The following DMD variants were observed in gnomAD, a reference collection of about 807,000 sequenced individuals.
The protein encoded by DMD is dystrophin, also known as mutant dystrophin.
Under a neutral mutation model 330.1 loss-of-function variants are expected in DMD, and 63 were observed. The ratio of observed to expected loss-of-function variants is 0.19; its 90% CI spans 0.16 to 0.24. The LOEUF is 0.24. Ranked by LOEUF, DMD falls within the 10% of genes least tolerant of loss-of-function variation. DMD has a pLI of 1.00. For synonymous variants in DMD, 1,223 were observed against 959.8 expected (o/e 1.27, Z -5.07); for missense variants, 3,344 against 2,684.1 (o/e 1.25, Z -5.43).
intron 63 of DMD, among the ~76,000 whole-genome samples, chrX:31,229,412 A>G (rs1249265418): frequency 3.6e-5 from 4 of 111,695 alleles, no homozygotes; most frequent in Admixed American, 2.9e-4. Flanking sequence ...GCTTATGGAG[A>G]CTTTTTGGAA....
At chrX:32,849,319 C>T (rs2080942101) in intron 3 of DMD, among the ~76,000 whole-genome samples, 1 of 111,574 alleles carries the variant, frequency 9.0e-6, no homozygotes, top group Non-Finnish European at 1.9e-5. Context: ...ATCACATATG[C>T]TATCACGTAT....
intron 7 of DMD, among the ~76,000 whole-genome samples, chrX:32,717,612 C>A (rs778448504): frequency 1.3e-4 from 15 of 111,710 alleles, no homozygotes; most frequent in South Asian, 1.1e-3. Flanking sequence ...CACAGAGTCC[C>A]CACTGGGGCA....
chrX:32,652,142 C>A (rs868077854), intron 9 of DMD, among the ~76,000 whole-genome samples: 1 of 109,805 alleles, frequency 9.1e-6, no homozygotes, highest in Non-Finnish European at 1.9e-5. Context: ...AAACATTAAT[C>A]TTTTTTTTTA....
intron 55 of DMD, among the ~76,000 whole-genome samples, chrX:31,625,404 G>A (rs1027781719): frequency 1.8e-5 from 2 of 111,474 alleles, no homozygotes; most frequent in Admixed American, 9.6e-5. Flanking sequence ...TTTCTACCTC[G>A]GGTACACTGA....
chrX:31,396,548 G>GTTT (rs56745544), intron 60 of DMD, among the ~76,000 whole-genome samples: 11 of 66,042 alleles, frequency 1.7e-4, no homozygotes, highest in Non-Finnish European at 2.4e-4. Flanking sequence ...AAATCCCAGG[G>GTTT]TTTTTTTTTT....
chrX:31,869,267 C>A (rs1814801972), intron 48 of DMD, among the ~76,000 whole-genome samples: 1 of 110,907 alleles, frequency 9.0e-6, no homozygotes, highest in Non-Finnish European at 1.9e-5. Flanking sequence ...ATTTTATAAA[C>A]AAGGAAAGTC....
chrX:31,382,908 A>C (rs1363041129), intron 60 of DMD, among the ~76,000 whole-genome samples: 1 of 111,930 alleles, frequency 8.9e-6, no homozygotes, highest in African/African-American at 3.2e-5. Flanking sequence ...TTAATATAAG[A>C]AGACAGGAAT....
intron 30 of DMD, among the ~76,000 whole-genome samples, chrX:32,398,368 G>A (rs1237913549): frequency 2.8e-5 from 3 of 108,166 alleles, no homozygotes; most frequent in African/African-American, 1.0e-4. Flanking sequence ...TAGGCCAAAG[G>A]AAACAGTCTA....
At chrX:31,167,495 C>T (rs902556844) in intron 74 of DMD, among the ~76,000 whole-genome samples, 10 of 111,607 alleles carry the variant, frequency 9.0e-5, no homozygotes, top group African/African-American at 2.6e-4. Flanking sequence ...ATATATTACA[C>T]GATCATATAC....
chrX:32,985,829 A>G (rs193103516), intron 2 of DMD, among the ~76,000 whole-genome samples: 1 of 111,289 alleles, frequency 9.0e-6, no homozygotes, highest in African/African-American at 3.3e-5. Context: ...TGAAACCTAT[A>G]AAGGTAAAAC....
chrX:32,719,798 G>A (rs1340987832), intron 7 of DMD, among the ~76,000 whole-genome samples: 1 of 109,812 alleles, frequency 9.1e-6, no homozygotes, highest in African/African-American at 3.3e-5. Flanking sequence ...AATGCTTGGT[G>A]TGCAGTTATT....
intron 45 of DMD, among the ~76,000 whole-genome samples, chrX:31,946,795 GT>G (rs757728186): frequency 6.2e-4 from 64 of 102,464 alleles, no homozygotes; most frequent in Non-Finnish European, 5.4e-4. Context: ...ACTGAAGGGA[GT>G]TTTTTTTTTT....
At position 32,088,640 on chromosome X, in the gene DMD, G is replaced by T. The variant is rs896751988; in HGVS notation, c.6439-120126C>A. Among the ~76,000 whole-genome samples, 7 of 108,650 alleles carry T rather than the reference G, an allele frequency of 6.4e-5. No individual in the cohort carries two copies. The East Asian group carries it at 2.0e-3, about 32-fold the overall frequency. 94.3% of individuals were successfully genotyped at this position (108,650 alleles called of 115,157 possible). A position where few individuals can be genotyped will look rare whatever the true frequency, so the allele number is the denominator to read the frequency against. On this transcript the variant is annotated intron_variant, in intron 44 of 78. Coordinates refer to ENST00000357033, the MANE Select transcript of DMD (RefSeq NM_004006.3). ...TTGGTGTTGAGGCAGAGGGGCTTTG[G>T]AGACTAAAGCAAATATTTAAATGAA...
At chrX:32,152,319 T>A (rs2096807865) in intron 44 of DMD, among the ~76,000 whole-genome samples, 1 of 111,530 alleles carries the variant, frequency 9.0e-6, no homozygotes, top group South Asian at 3.7e-4. Flanking sequence ...GCAAATGCTG[T>A]AACTATTATT....
intron 55 of DMD, among the ~76,000 whole-genome samples, chrX:31,548,304 T>G (rs776209256): frequency 1.8e-5 from 2 of 111,549 alleles, no homozygotes; most frequent in African/African-American, 6.5e-5. Flanking sequence ...TGTGGTGGGA[T>G]CCAGACAACT....
chrX:32,732,870 C>T (rs1201231456), intron 7 of DMD, among the ~76,000 whole-genome samples: 2 of 110,370 alleles, frequency 1.8e-5, no homozygotes, highest in African/African-American at 6.6e-5. Flanking sequence ...AGCAAAATCA[C>T]CAGCTAACAT....
At chrX:31,414,121 C>G (rs775843096) in intron 60 of DMD, among the ~76,000 whole-genome samples, 69 of 111,502 alleles carry the variant, frequency 6.2e-4, no homozygotes, top group Admixed American at 3.0e-3. Flanking sequence ...TCCAGCAATT[C>G]TCCTGCCTCA....
rs937113961 is a variant in DMD at position 32,554,512 on chromosome X, C to A, written c.1993-9178G>T. Among the ~76,000 whole-genome samples, 84 of 110,093 alleles carry A rather than the reference C, an allele frequency of 7.6e-4. 1 individual carries two copies. Among genetic ancestry groups the A allele is most frequent in the African/African-American group, 2.5e-3 (76 of 30,359 alleles). On this transcript the variant is annotated intron_variant, in intron 16 of 78. Transcript: ENST00000357033. ...ACCTCTATGCACATAAACTAGAAAA[C>A]CTAGAGGAAATGGATAAATTATTGA...
intron 11 of DMD, among the ~76,000 whole-genome samples, chrX:32,637,361 GAT>G (rs2059170051): frequency 8.9e-6 from 1 of 111,833 alleles, no homozygotes. Context: ...ACATAGTTTT[GAT>G]ATTTCTGATT....
Sources: allele counts gnomAD v4.1 joint callset (sites outside exome capture counted in the v4.1 genomes callset), GRCh38; gene constraint gnomAD v4.1.1; transcripts MANE v1.5; gene names NCBI Gene and HGNC (gene_info 2026-07-23, HGNC 2026-07-21).